The following CTTN variants were observed in gnomAD, a reference collection of about 807,000 sequenced individuals.
CTTN encodes the protein cortactin.
CTTN carries 28 observed loss-of-function variants against 84.0 expected under a neutral mutation model. That is an observed-to-expected ratio of 0.33 (90% CI 0.25 to 0.46). CTTN has a LOEUF of 0.46. Among genes scored for constraint, CTTN ranks in the 20% least tolerant of loss-of-function variants. The pLI, the probability that CTTN is intolerant of heterozygous loss-of-function variation, is 1.00. For missense variants in CTTN, 641 were observed against 723.8 expected, an observed-to-expected ratio of 0.89 and a Z score of 1.31; for synonymous variants, 301 against 288.8, an observed-to-expected ratio of 1.04 and a Z score of -0.43.
At chr11:70,424,397 T>TTGTCTTTCATCCAGGAGGGGG (rs2058277831) in intron 12 of CTTN, among the ~76,000 whole-genome samples, 1 of 152,080 alleles carries the variant, frequency 6.6e-6, no homozygotes, top group Non-Finnish European at 1.5e-5. Context: ...TTTCGTGTCA[T>TTGTCTTTCATCCAGGAGGGGG]TGTCTTTCAT....
rs1386654472 is a variant in CTTN at position 70,420,109 on chromosome 11, G to A, written c.679+253G>A. On this transcript the variant is annotated intron_variant, in intron 9 of 17. Transcript: ENST00000301843. ...TGGCCACACCCCGCACGTCTGTGTT[G>A]CCCGTGTGAGCCTGTGCTGTCTCAT... The A allele has an allele frequency of 5.0e-6, 3 of 596,984 alleles. No individual in the cohort carries two copies. In the Admixed American group the frequency reaches 9.3e-5, roughly 19 times the overall value. The allele number at this position is 596,984 out of a possible 1,614,324, so 37.0% of individuals were successfully genotyped here.
In CTTN at chr11:70,417,122, A is replaced by G; in HGVS notation, c.567A>G (p.Arg189=). ...AGACGGAGAAGCACGAGTCACAGAGAGGTGGGGCGGACCCCACGGTCTGTA... is the reference window on the plus strand; with the variant it reads ...AGACGGAGAAGCACGAGTCACAGAGGGGTGGGGCGGACCCCACGGTCTGTA... ...QGKTEKHESQ[R]DYSKGFGGKY... is the part of the protein sequence containing the mutation. The change falls in exon 8 of 18, where the codon AGA becomes AGG. Residue 189 remains arginine, a splice_region_variant and synonymous_variant. Transcript: ENST00000301843. 1 of 1,612,930 alleles carries G rather than the reference A, an allele frequency of 6.2e-7. No individual in the cohort carries two copies. Among genetic ancestry groups the G allele is most frequent in the Non-Finnish European group, 8.5e-7 (1 of 1,178,908 alleles).
intron 6 of CTTN, 108 bp from the exon 7 acceptor site, chr11:70,415,555 A>G (rs2058148473): frequency 9.8e-7 from 1 of 1,021,560 alleles, no homozygotes; most frequent in African/African-American, 1.6e-5. Context: ...TCACAGCATC[A>G]TGTGTTTCAT....
rs753300161 is a variant in CTTN at position 70,435,200 on chromosome 11, TCA to T, written c.*42_*43del. 3 of 1,551,422 alleles carry T rather than the reference TCA, an allele frequency of 1.9e-6. No individual in the cohort carries two copies. Among genetic ancestry groups the T allele is most frequent in the Non-Finnish European group, 2.6e-6 (3 of 1,153,226 alleles). On this transcript the variant is annotated 3_prime_UTR_variant, in exon 18 of 18. Coordinates refer to ENST00000301843, the MANE Select transcript of CTTN (RefSeq NM_005231.4). ...CCCCCCGGAGCTGCGCCCTGGATCCTCACACTACAGATCAGGCCTTCTTTGGT... is the reference window on the plus strand; with the variant it reads ...CCCCCCGGAGCTGCGCCCTGGATCCTCACTACAGATCAGGCCTTCTTTGGT...
At chr11:70,433,487 T>G (rs2058378710) in intron 16 of CTTN, 160 bp from the exon 17 acceptor site, 6 of 765,490 alleles carry the variant, frequency 7.8e-6, no homozygotes, top group African/African-American at 1.7e-5. Flanking sequence ...AGATCCCCAT[T>G]GTGCTGGGGA....
At chr11:70,412,451 C>G (rs1370329157) in intron 5 of CTTN, among the ~76,000 whole-genome samples, 2 of 152,186 alleles carry the variant, frequency 1.3e-5, no homozygotes, top group Middle Eastern at 3.4e-3. Context: ...ACTCAGATTC[C>G]AAACCGAAGG....
chr11:70,428,153 CTTTTTTT>C (rs60189081), intron 13 of CTTN, among the ~76,000 whole-genome samples: 6 of 62,622 alleles, frequency 9.6e-5, no homozygotes, highest in African/African-American at 3.0e-4. Context: ...TGTCTTCCCA[CTTTTTTT>C]TTTTTTTTTT....
intron 17 of CTTN, among the ~76,000 whole-genome samples, chr11:70,434,711 C>T (rs1425075144): frequency 6.6e-6 from 1 of 152,262 alleles, no homozygotes; most frequent in Non-Finnish European, 1.5e-5. Flanking sequence ...ACAGACACGT[C>T]TGCCAGAGAG....
intron 6 of CTTN, among the ~76,000 whole-genome samples, chr11:70,415,042 GTGT>G (rs1482597838): frequency 6.6e-6 from 1 of 152,182 alleles, no homozygotes; most frequent in African/African-American, 2.4e-5. Context: ...TTGCGTCCAG[GTGT>G]TGTTGCAGTC....
chr11:70,420,436 A>T lies in CTTN; in HGVS notation c.716A>T (p.Gln239Leu). The change falls in exon 10 of 18, where the codon CAG becomes CTG. Residue 239 changes from glutamine (Q) to leucine (L), a missense_variant. Around this residue, in one of 3 missense-constraint regions of CTTN, gnomAD observed 284 missense variants for 348.4 expected, o/e 0.82. Transcript: ENST00000301843. ...GGGTTTGGAGGAAAATTTGGTGTGC[A>T]GACAGACAGACAAGACAAATGTGCC... ...VKGFGGKFGVQTDRQDKCALG... is the reference protein window; with the variant it reads ...VKGFGGKFGVLTDRQDKCALG... 1 of 1,614,096 alleles carries T rather than the reference A, an allele frequency of 6.2e-7. No individual in the cohort carries two copies.
intron 5 of CTTN, among the ~76,000 whole-genome samples, chr11:70,411,091 G>A (rs2058091496): frequency 6.6e-6 from 1 of 152,208 alleles, no homozygotes; most frequent in Non-Finnish European, 1.5e-5. Context: ...AATGTGTGCA[G>A]AATCATCATC....
Position 70,433,653 on chromosome 11 carries a change from G to A in CTTN, c.1451G>A (p.Ser484Asn), listed in dbSNP as rs56162978. The A allele has an allele frequency of 9.7e-3, 15,570 of 1,610,962 alleles. 1,331 individuals carry two copies. In the African/African-American group the frequency reaches 0.18, roughly 19 times the overall value. The change falls in exon 17 of 18, where the codon AGC becomes AAC. Residue 484 changes from serine (S) to asparagine (N), a missense_variant. Around this residue, in one of 3 missense-constraint regions of CTTN, gnomAD observed 68 missense variants for 102.2 expected, o/e 0.67. Transcript: ENST00000301843. The part of the protein sequence containing the change: ...EAPGHYPAED[S>N]TYDEYENDLG... ...TGTCATGGCTTTCTTTTAGAGGACA[G>A]CACCTACGATGAGTACGAGAACGAT...
chr11:70,433,602 G>C, intron 16 of CTTN, 45 bp from the exon 17 acceptor site: 1 of 1,388,282 alleles, frequency 7.2e-7, no homozygotes, highest in East Asian at 2.3e-5. Context: ...CTGGGAACCT[G>C]TGTGGGACTT....
intron 4 of CTTN, among the ~76,000 whole-genome samples, chr11:70,409,291 G>C (rs1165243728): frequency 6.6e-6 from 1 of 152,120 alleles, no homozygotes; most frequent in Non-Finnish European, 1.5e-5. Context: ...CTTGTCATCT[G>C]TTTCATTATC....
rs200768221 is a variant in CTTN, at chr11:70,415,655, C to T, written c.403-8C>T. ...CCCCACTTTTTCATGTGTTTTTGGT[C>T]GTCACAGTCTGCTGTAGGCTTTGAA... On this transcript the variant is annotated splice_polypyrimidine_tract_variant and splice_region_variant and intron_variant, in intron 6 of 17. Coordinates refer to ENST00000301843, the MANE Select transcript of CTTN (RefSeq NM_005231.4). 2.4e-4 allele frequency: 389 copies of T among 1,613,304 alleles called. 1 individual carries two copies. Among genetic ancestry groups the T allele is most frequent in the East Asian group, 7.1e-4 (32 of 44,874 alleles).
chr11:70,420,113 G>C (rs1033097378), intron 9 of CTTN: 1 of 596,876 alleles, frequency 1.7e-6, no homozygotes. Flanking sequence ...TGTGTTGCCC[G>C]TGTGAGCCTG....
At chr11:70,415,245 G>C (rs950716512) in intron 6 of CTTN, among the ~76,000 whole-genome samples, 1 of 152,210 alleles carries the variant, frequency 6.6e-6, no homozygotes, top group Non-Finnish European at 1.5e-5. Context: ...CCTATCTCAC[G>C]GGTGTTTGCT....
At chr11:70,418,779 CTTT>C (rs1222632596) in intron 8 of CTTN, among the ~76,000 whole-genome samples, 2 of 140,896 alleles carry the variant, frequency 1.4e-5, no homozygotes, top group African/African-American at 2.6e-5. Context: ...TACTTTATTT[CTTT>C]TTTTTTTTTT....
chr11:70,415,739 AAG>A (rs2058150656), intron 7 of CTTN, 22 bp downstream of exon 7: 9 of 1,613,518 alleles, frequency 5.6e-6, no homozygotes, highest in Non-Finnish European at 7.6e-6. Flanking sequence ...AAGGTGCAGA[AAG>A]AGCCCGCTCC....
Sources: allele counts gnomAD v4.1 joint callset (sites outside exome capture counted in the v4.1 genomes callset), GRCh38; gene constraint gnomAD v4.1.1; regional missense constraint gnomAD v4.1.1; transcripts MANE v1.5; gene names NCBI Gene and HGNC (gene_info 2026-07-23, HGNC 2026-07-21).